Variants in PCNT observed in about 807,000 individuals in gnomAD.
The protein encoded by PCNT is pericentrin, also known as kendrin.
In PCNT, 319 loss-of-function variants were observed where a neutral mutation model predicts 380.4. That is an observed-to-expected ratio of 0.84 (90% CI 0.77 to 0.92). The LOEUF (loss-of-function observed/expected upper bound fraction) is 0.92, where lower values mean the gene tolerates loss of function less well. Among genes scored for constraint, PCNT ranks in the 40% least tolerant of loss-of-function variants. The pLI is 0.00. For missense variants in PCNT, 4,400 were observed against 4,255.3 expected, an observed-to-expected ratio of 1.03 and a Z score of -0.95; for synonymous variants, 1,845 against 1,735.2, an observed-to-expected ratio of 1.06 and a Z score of -1.57.
At chr21:46,359,506 T>TTTTTTTTTTTTTTTTTTTTTA (rs1384504010) in intron 13 of PCNT, among the ~76,000 whole-genome samples, 1 of 126,232 alleles carries the variant, frequency 7.9e-6, no homozygotes, top group Non-Finnish European at 1.8e-5. Flanking sequence ...TTTTTTTTTT[T>TTTTTTTTTTTTTTTTTTTTTA]TGAGACAGTG....
intron 46 of PCNT, among the ~76,000 whole-genome samples, chr21:46,445,064 C>G (rs944475925): frequency 6.6e-6 from 1 of 151,990 alleles, no homozygotes; most frequent in Non-Finnish European, 1.5e-5. Context: ...ACTTTTTTGT[C>G]CTTTCTCTTA....
Position 46,326,517 on chromosome 21 carries a change from A to G in PCNT, c.195A>G (p.Gly65=), listed in dbSNP as rs1318918171. Residue 65 remains glycine (G), a synonymous_variant, in exon 2 of 47, where the codon GGA becomes GGG. Coordinates refer to ENST00000359568, the MANE Select transcript of PCNT (RefSeq NM_006031.6). The part of the protein sequence containing the change: ...PVTKEDSALC[G]GGDICKSTSC... ...CCAAGGAGGACAGCGCACTCTGTGG[A>G]GGAGGGGACATTTGCAAAAGCACAT... 1 of 1,614,150 alleles carries G rather than the reference A, an allele frequency of 6.2e-7. No individual in the cohort carries two copies. The highest frequency in any genetic ancestry group is 8.5e-7 in the Non-Finnish European group (1 of 1,180,030).
At chr21:46,396,353 C>T (rs926579637) in intron 21 of PCNT, among the ~76,000 whole-genome samples, 2 of 152,226 alleles carry the variant, frequency 1.3e-5, no homozygotes, top group Non-Finnish European at 2.9e-5. Flanking sequence ...ATCTCTGCTT[C>T]TAAGGCAGAG....
At chr21:46,348,339 T>G (rs2084145367) in intron 6 of PCNT, 1 of 165,196 alleles carries the variant, frequency 6.1e-6, no homozygotes, top group South Asian at 1.5e-4. Flanking sequence ...GGTGGTCCTC[T>G]CGCTTTGTGC....
chr21:46,401,881 G>T (rs993530143), intron 26 of PCNT, among the ~76,000 whole-genome samples, 160 bp downstream of exon 26: 1 of 152,078 alleles, frequency 6.6e-6, no homozygotes, highest in Non-Finnish European at 1.5e-5. Flanking sequence ...ACAGAGTTTT[G>T]CTCTTGTTGC....
chr21:46,343,548 T>TA (rs1467999104), intron 3 of PCNT, among the ~76,000 whole-genome samples: 5 of 152,234 alleles, frequency 3.3e-5, no homozygotes, highest in Non-Finnish European at 2.9e-5. Context: ...TTTTTGCATC[T>TA]ATGTTCATCA....
chr21:46,382,213 G>A (rs1265511696), intron 16 of PCNT, among the ~76,000 whole-genome samples: 2 of 146,926 alleles, frequency 1.4e-5, no homozygotes, highest in African/African-American at 5.0e-5. Flanking sequence ...AGTGGCGGAA[G>A]CGCATTCATA....
chr21:46,379,207 C>G (rs749185112), intron 15 of PCNT, among the ~76,000 whole-genome samples: 1 of 152,182 alleles, frequency 6.6e-6, no homozygotes, highest in Non-Finnish European at 1.5e-5. Flanking sequence ...TGCGTGGGCT[C>G]TCCGCTGCCT....
intron 14 of PCNT, among the ~76,000 whole-genome samples, chr21:46,366,004 G>A (rs1054933078): frequency 2.1e-5 from 3 of 145,538 alleles, no homozygotes; most frequent in African/African-American, 5.1e-5. Flanking sequence ...GTGGGGTTCT[G>A]TTCACTGCCG....
intron 12 of PCNT, among the ~76,000 whole-genome samples, chr21:46,356,131 C>T (rs1374755924): frequency 2.0e-5 from 3 of 152,176 alleles, no homozygotes; most frequent in Non-Finnish European, 2.9e-5. Flanking sequence ...CCCATGGCGC[C>T]GGACAGTGGC....
At chr21:46,367,997 T>A (rs1408727387) in intron 15 of PCNT, among the ~76,000 whole-genome samples, 1 of 151,732 alleles carries the variant, frequency 6.6e-6, no homozygotes, top group Non-Finnish European at 1.5e-5. Flanking sequence ...CTACGAAAAT[T>A]AAAAACAATT....
intron 24 of PCNT, among the ~76,000 whole-genome samples, chr21:46,398,473 C>T (rs990200356): frequency 1.4e-4 from 22 of 152,388 alleles, no homozygotes; most frequent in African/African-American, 4.8e-4. Context: ...ACTCGGATCC[C>T]TCGTGCCTGG....
chr21:46,422,247 G>A, intron 32 of PCNT, 123 bp downstream of exon 32: 3 of 1,247,534 alleles, frequency 2.4e-6, no homozygotes, highest in Non-Finnish European at 3.4e-6. Context: ...GTGCCTCTGA[G>A]CACCTGCATT....
chr21:46,326,129 G>C (rs1361270278), intron 1 of PCNT, among the ~76,000 whole-genome samples: 1 of 152,166 alleles, frequency 6.6e-6, no homozygotes, highest in Non-Finnish European at 1.5e-5. Flanking sequence ...GGCTAGGAAA[G>C]CTATTCTGCC....
intron 13 of PCNT, among the ~76,000 whole-genome samples, chr21:46,360,517 C>T (rs1288385759): frequency 5.4e-4 from 31 of 57,834 alleles, no homozygotes; most frequent in African/African-American, 2.1e-3. Context: ...GCCACTGCGC[C>T]GGCTTTTTTT....
At chr21:46,337,696 C>T (rs2083793674) in intron 3 of PCNT, among the ~76,000 whole-genome samples, 1 of 152,230 alleles carries the variant, frequency 6.6e-6, no homozygotes, top group Non-Finnish European at 1.5e-5. Flanking sequence ...GATTCTCCTA[C>T]CTCAGCCTCC....
intron 21 of PCNT, among the ~76,000 whole-genome samples, chr21:46,392,905 T>G (rs78403072): frequency 0.049 from 7,496 of 152,368 alleles, 231 homozygotes; most frequent in Non-Finnish European, 0.063. Context: ...TTAAGTCTTT[T>G]TTAATACTCT....
rs1029494769 is a variant in PCNT, at chr21:46,334,632, A to G, written c.503A>G (p.Gln168Arg). ...ACAGTCAGTGACCACCCACCAGAAC[A>G]GCGTGGGATGTTCACAATCAGTGAC... ...MFTVSDHPPEQRGMFTISDHQ... is the reference protein window; with the variant it reads ...MFTVSDHPPERRGMFTISDHQ... The change falls in exon 3 of 47, where the codon CAG (glutamine) becomes CGG (arginine). Residue 168 changes from glutamine to arginine, a missense_variant. By Grantham distance (43) the Gln-to-Arg change is conservative. Coordinates refer to ENST00000359568, the MANE Select transcript of PCNT (RefSeq NM_006031.6). 1 of 1,605,060 alleles carries G rather than the reference A, an allele frequency of 6.2e-7. No individual in the cohort carries two copies. Among genetic ancestry groups the G allele is most frequent in the Non-Finnish European group, 8.5e-7 (1 of 1,174,762 alleles).
At chr21:46,412,790 G>C (rs1226421298) in intron 28 of PCNT, 47 bp from the exon 29 acceptor site, 1 of 1,602,136 alleles carries the variant, frequency 6.2e-7, no homozygotes, top group East Asian at 2.2e-5. Context: ...GGCAGCCCCA[G>C]CAACAGCCTC....
Sources: gnomAD v4.1 joint callset for allele counts (sites outside exome capture counted in the v4.1 genomes callset) on GRCh38, gnomAD v4.1.1 for gene constraint, MANE v1.5 for transcripts, NCBI Gene and HGNC (gene_info 2026-07-23, HGNC 2026-07-21) for gene names.